Variants in JARID2 observed in about 807,000 individuals in gnomAD.
JARID2 encodes the protein protein Jumonji.
Under a neutral mutation model 125.6 loss-of-function variants are expected in JARID2, and 21 were observed. The ratio of observed to expected loss-of-function variants is 0.17; its 90% CI spans 0.12 to 0.24. JARID2 has a LOEUF of 0.24. Ranked by LOEUF, JARID2 falls within the 10% of genes least tolerant of loss-of-function variation. The pLI is 1.00. For synonymous variants in JARID2, 736 were observed against 661.6 expected, an observed-to-expected ratio of 1.11 and a Z score of -1.73; for missense variants, 1,303 against 1,639.6, an observed-to-expected ratio of 0.79 and a Z score of 3.55.
intron 1 of JARID2, among the ~76,000 whole-genome samples, chr6:15,372,252 TA>T (rs563498193): frequency 7.9e-5 from 12 of 152,118 alleles, no homozygotes; most frequent in Non-Finnish European, 1.3e-4. Flanking sequence ...TATAAACCAG[TA>T]AAACAGCACC....
chr6:15,509,750 G>A (rs375710576), intron 12 of JARID2, among the ~76,000 whole-genome samples: 3 of 152,220 alleles, frequency 2.0e-5, no homozygotes, highest in African/African-American at 4.8e-5. Context: ...CCTCAGGCCC[G>A]AGTTTCTTCC....
intron 6 of JARID2, 61 bp downstream of exon 6, chr6:15,487,603 C>A: frequency 7.2e-7 from 1 of 1,382,886 alleles, no homozygotes; most frequent in Non-Finnish European, 9.8e-7. Context: ...TTCACTTCAC[C>A]AAGCTAAAAA....
intron 5 of JARID2, among the ~76,000 whole-genome samples, chr6:15,485,682 G>T (rs7763809): frequency 6.6e-6 from 1 of 152,042 alleles, no homozygotes; most frequent in Admixed American, 6.5e-5. Flanking sequence ...CGGAAGGGTA[G>T]GTTAAGCACG....
chr6:15,337,692 C>A (rs762804899), intron 1 of JARID2, among the ~76,000 whole-genome samples: 1 of 149,788 alleles, frequency 6.7e-6, no homozygotes, highest in Non-Finnish European at 1.5e-5. Context: ...CCCCTTTTTG[C>A]CTCTTAAACT....
intron 1 of JARID2, among the ~76,000 whole-genome samples, chr6:15,358,273 A>G (rs1425524558): frequency 1.3e-5 from 2 of 152,156 alleles, no homozygotes; most frequent in Non-Finnish European, 2.9e-5. Context: ...AGGAAGAAAA[A>G]CTTTCTCATC....
chr6:15,279,864 A>T (rs1436579928), intron 1 of JARID2, among the ~76,000 whole-genome samples: 1 of 152,224 alleles, frequency 6.6e-6, no homozygotes, highest in Non-Finnish European at 1.5e-5. Context: ...CCTGGCACTT[A>T]GGAGGCAATC....
At chr6:15,258,938 G>T (rs543539951) in intron 1 of JARID2, among the ~76,000 whole-genome samples, 2 of 152,174 alleles carry the variant, frequency 1.3e-5, no homozygotes, top group African/African-American at 4.8e-5. Context: ...CCAGTTGTTC[G>T]AGGAAGAGGA....
At chr6:15,485,992 A>T (rs996783899) in intron 5 of JARID2, among the ~76,000 whole-genome samples, 1 of 152,202 alleles carries the variant, frequency 6.6e-6, no homozygotes, top group Admixed American at 6.5e-5. Context: ...AGGGAATTCT[A>T]CCTGAAGTTC....
chr6:15,266,551 C>T (rs956399052), intron 1 of JARID2, among the ~76,000 whole-genome samples: 4 of 152,202 alleles, frequency 2.6e-5, no homozygotes, highest in African/African-American at 7.2e-5. Context: ...GTTGCACTTC[C>T]GTTGCTCAAC....
chr6:15,453,055 C>T (rs894536639), intron 4 of JARID2, among the ~76,000 whole-genome samples: 20 of 152,124 alleles, frequency 1.3e-4, no homozygotes, highest in Admixed American at 1.3e-3. Context: ...TAAAAAGTTT[C>T]CACCCATCAT....
At chr6:15,347,087 A>G (rs1301637825) in intron 1 of JARID2, among the ~76,000 whole-genome samples, 1 of 152,202 alleles carries the variant, frequency 6.6e-6, no homozygotes, top group African/African-American at 2.4e-5. Flanking sequence ...GTTTTCTTAA[A>G]GCAGTATTTG....
intron 1 of JARID2, among the ~76,000 whole-genome samples, chr6:15,300,610 C>T (rs1007652060): frequency 3.3e-5 from 5 of 150,986 alleles, no homozygotes; most frequent in African/African-American, 4.9e-5. Flanking sequence ...CTATCTGTTT[C>T]GAGTTATGAA....
Position 15,487,473 on chromosome 6 carries a change from G to A in JARID2, c.837G>A (p.Ser279=), listed in dbSNP as rs142545160. 16 of 1,614,064 alleles carry A rather than the reference G, an allele frequency of 9.9e-6. No homozygotes were observed. Among genetic ancestry groups the A allele is most frequent in the African/African-American group, 2.7e-5 (2 of 74,924 alleles). The change falls in exon 6 of 18, where the codon TCG becomes TCA. Residue 279 remains serine, a synonymous_variant. Coordinates refer to ENST00000341776, the MANE Select transcript of JARID2 (RefSeq NM_004973.4). ...HPAAAPSTGS[S]AKGLAATHHH... ...CAGCGGCCCCCTCCACGGGTTCCTC[G>A]GCCAAGGGGCTTGCTGCCACCCATC...
intron 3 of JARID2, among the ~76,000 whole-genome samples, chr6:15,442,120 AAAGG>A (rs1248062692): frequency 6.6e-6 from 1 of 151,948 alleles, no homozygotes; most frequent in East Asian, 1.9e-4. Context: ...GAAAAAAAAA[AAAGG>A]AAGTAAAACA....
rs1039651963 is a variant in JARID2, at chr6:15,388,785, G to A, written c.181+14533G>A. Among the ~76,000 whole-genome samples the A allele has an allele frequency of 4.6e-5, 7 of 152,098 alleles. No homozygotes were observed. In the South Asian group the frequency reaches 6.2e-4, roughly 14 times the overall value. ...TATGCCCCGCATGCTTTCAGACCCC[G>A]TAGCTTCTCTCCCTGACCTGTTACT... On this transcript the variant is annotated intron_variant, in intron 2 of 17. Transcript: ENST00000341776.
intron 1 of JARID2, among the ~76,000 whole-genome samples, chr6:15,367,171 C>G (rs1173984748): frequency 6.6e-6 from 1 of 152,178 alleles, no homozygotes; most frequent in African/African-American, 2.4e-5. Context: ...GGTAGTTTGC[C>G]TGCAAGTGAT....
intron 3 of JARID2, among the ~76,000 whole-genome samples, chr6:15,422,202 G>C (rs1339177193): frequency 1.3e-5 from 2 of 152,192 alleles, no homozygotes; most frequent in Non-Finnish European, 2.9e-5. Flanking sequence ...AAGTAGATCT[G>C]TGATTACTTG....
At chr6:15,491,148 T>C (rs1170253744) in intron 6 of JARID2, among the ~76,000 whole-genome samples, 3 of 152,254 alleles carry the variant, frequency 2.0e-5, no homozygotes, top group Non-Finnish European at 4.4e-5. Context: ...TAGAAAATCA[T>C]ATTAGTTTTT....
intron 1 of JARID2, among the ~76,000 whole-genome samples, chr6:15,319,867 C>T (rs1232807878): frequency 1.1e-4 from 16 of 152,266 alleles, no homozygotes; most frequent in Middle Eastern, 3.4e-3. Context: ...AAATTTGATG[C>T]AGTCATCAAG....
Sources: gnomAD v4.1 joint callset for allele counts (sites outside exome capture counted in the v4.1 genomes callset) on GRCh38, gnomAD v4.1.1 for gene constraint, MANE v1.5 for transcripts, NCBI Gene and HGNC (gene_info 2026-07-23, HGNC 2026-07-21) for gene names.